The following RUNX2 variants were observed in gnomAD, a reference collection of about 807,000 sequenced individuals.
The protein encoded by RUNX2 is runt-related transcription factor 2.
Under a neutral mutation model 51.7 loss-of-function variants are expected in RUNX2, and 10 were observed. That is an observed-to-expected ratio of 0.19 (90% CI 0.12 to 0.33). The LOEUF is 0.33. RUNX2 is among the 10% of genes least tolerant of loss of function. The probability of loss-of-function intolerance (pLI) is 1.00; values close to 1 mark genes in which losing one functional copy is unlikely to be tolerated. For missense variants in RUNX2, 562 were observed against 691.3 expected, an observed-to-expected ratio of 0.81 and a Z score of 2.10; for synonymous variants, 276 against 273.6, an observed-to-expected ratio of 1.01 and a Z score of -0.09.
chr6:45,412,080 G>A (rs1246894935), intron 2 of RUNX2, among the ~76,000 whole-genome samples: 1 of 151,646 alleles, frequency 6.6e-6, no homozygotes, highest in African/African-American at 2.4e-5. Flanking sequence ...GGGCACAATG[G>A]CTCACACCTG....
intron 2 of RUNX2, among the ~76,000 whole-genome samples, chr6:45,370,841 C>T (rs542822350): frequency 6.6e-6 from 1 of 152,186 alleles, no homozygotes; most frequent in South Asian, 2.1e-4. Flanking sequence ...CTAGCATATC[C>T]TCCTTCTTTA....
intron 2 of RUNX2, among the ~76,000 whole-genome samples, chr6:45,364,114 CA>C (rs11333292): frequency 0.61 from 87,924 of 143,626 alleles, 26,559 homozygotes; most frequent in African/African-American, 0.67. Flanking sequence ...GACTCTGTCT[CA>C]AAAAAAAAAA....
intron 2 of RUNX2, among the ~76,000 whole-genome samples, chr6:45,382,430 G>A (rs901792940): frequency 6.6e-6 from 1 of 152,232 alleles, no homozygotes; most frequent in African/African-American, 2.4e-5. Context: ...TGGGGAAGAT[G>A]TCATTTTTAA....
At chr6:45,438,104 T>C in intron 5 of RUNX2, 53 bp downstream of exon 5, 1 of 1,163,000 alleles carries the variant, frequency 8.6e-7, no homozygotes, top group Non-Finnish European at 1.3e-6. Flanking sequence ...AGAGACCCTA[T>C]GAGGAATTTA....
chr6:45,512,451 T>C (rs756072070), intron 7 of RUNX2, 44 bp downstream of exon 7: 1 of 1,606,564 alleles, frequency 6.2e-7, no homozygotes, highest in South Asian at 1.1e-5. Flanking sequence ...TGCACAGGGG[T>C]CGGGGGGAGT....
At chr6:45,388,881 TA>T (rs1185872251) in intron 2 of RUNX2, among the ~76,000 whole-genome samples, 1 of 152,160 alleles carries the variant, frequency 6.6e-6, no homozygotes, top group Non-Finnish European at 1.5e-5. Context: ...AGAGAAATAA[TA>T]AAATTGTTGT....
intron 2 of RUNX2, among the ~76,000 whole-genome samples, chr6:45,401,767 A>C (rs1458459245): frequency 6.6e-6 from 1 of 152,220 alleles, no homozygotes; most frequent in Non-Finnish European, 1.5e-5. Context: ...CATCTTCCTA[A>C]TGTAGACGTT....
Position 45,532,370 on chromosome 6 carries a change from G to T in RUNX2, c.1022-12847G>T, listed in dbSNP as rs945866407. ...TTAGAGCAGGGAAACCCACAGAGATGATTTCATCCCCGCCCCTCTTTTTAC... is the reference window on the plus strand; with the variant it reads ...TTAGAGCAGGGAAACCCACAGAGATTATTTCATCCCCGCCCCTCTTTTTAC... On this transcript the variant is annotated intron_variant, in intron 7 of 8. Coordinates refer to ENST00000647337, the MANE Select transcript of RUNX2 (RefSeq NM_001024630.4). Among the ~76,000 whole-genome samples the T allele has an allele frequency of 3.9e-5, 6 of 151,934 alleles. No individual in the cohort carries two copies. The East Asian group carries it at 9.7e-4, about 24-fold the overall frequency.
chr6:45,419,390 T>C (rs1376209654), intron 2 of RUNX2, among the ~76,000 whole-genome samples: 1 of 150,412 alleles, frequency 6.6e-6, no homozygotes, highest in Non-Finnish European at 1.5e-5. Flanking sequence ...TGTTAGACAG[T>C]GGCACAACAT....
chr6:45,545,299 T>C lies in RUNX2; in HGVS notation c.1087+17T>C, dbSNP rs148013252. ...GCCAGGCAGGTGAGACTTTTAACAA[T>C]TGCTGGGCTGGGCAGGGCTGGGCTG... On this transcript the variant is annotated intron_variant, in intron 8 of 8. Transcript: ENST00000647337. 1.2e-3 allele frequency: 1,865 copies of C among 1,550,410 alleles called. 17 individuals are homozygous for C. The African/African-American group carries it at 0.021, about 18-fold the overall frequency.
At chr6:45,483,957 G>A (rs1238817350) in intron 5 of RUNX2, among the ~76,000 whole-genome samples, 1 of 152,190 alleles carries the variant, frequency 6.6e-6, no homozygotes, top group African/African-American at 2.4e-5. Context: ...CTTATTTGCT[G>A]GGCTCAGGGG....
intron 2 of RUNX2, chr6:45,421,299 C>A (rs1298662674): frequency 6.6e-6 from 1 of 152,174 alleles, no homozygotes; most frequent in Non-Finnish European, 1.5e-5. Flanking sequence ...ACACCTCATT[C>A]TTGTTCTCTA....
intron 5 of RUNX2, among the ~76,000 whole-genome samples, chr6:45,484,477 A>G (rs543849952): frequency 2.1e-3 from 318 of 152,324 alleles, no homozygotes; most frequent in Non-Finnish European, 3.3e-3. Flanking sequence ...CTGAACGTAA[A>G]CAGAGGAGCA....
intron 5 of RUNX2, among the ~76,000 whole-genome samples, chr6:45,470,704 C>T: frequency 6.6e-6 from 1 of 152,186 alleles, no homozygotes; most frequent in East Asian, 1.9e-4. Flanking sequence ...TCCCTTGGGA[C>T]TCAGAAACTG....
chr6:45,500,466 C>T (rs151270308), intron 6 of RUNX2, among the ~76,000 whole-genome samples: 52 of 152,174 alleles, frequency 3.4e-4, no homozygotes, highest in African/African-American at 7.9e-4. Context: ...CAAGATTTAA[C>T]GGAAGAATCA....
At chr6:45,455,086 C>A (rs1454798138) in intron 5 of RUNX2, among the ~76,000 whole-genome samples, 1 of 152,152 alleles carries the variant, frequency 6.6e-6, no homozygotes, top group East Asian at 1.9e-4. Flanking sequence ...TGCACTCCAG[C>A]CTGGGCGACA....
chr6:45,398,718 A>G (rs1426998129), intron 2 of RUNX2, among the ~76,000 whole-genome samples: 2 of 152,204 alleles, frequency 1.3e-5, no homozygotes, highest in African/African-American at 4.8e-5. Context: ...CTAGAGTTCC[A>G]ACTTAGGGCT....
At chr6:45,343,235 T>C (rs1581735895) in intron 2 of RUNX2, among the ~76,000 whole-genome samples, 1 of 151,920 alleles carries the variant, frequency 6.6e-6, no homozygotes, top group East Asian at 1.9e-4. Flanking sequence ...CTCAGCCGGG[T>C]GCAGTGGCTC....
intron 4 of RUNX2, among the ~76,000 whole-genome samples, chr6:45,436,449 G>A (rs994342122): frequency 1.6e-4 from 24 of 152,138 alleles, no homozygotes; most frequent in Admixed American, 5.9e-4. Context: ...AGATCTAAGC[G>A]GGGAGGATTA....
Sources: allele counts gnomAD v4.1 joint callset (sites outside exome capture counted in the v4.1 genomes callset), GRCh38; gene constraint gnomAD v4.1.1; transcripts MANE v1.5; gene names NCBI Gene and HGNC (gene_info 2026-07-23, HGNC 2026-07-21).